CSMD1: variants seen among roughly 807,000 people sequenced by gnomAD.
CSMD1 encodes the protein CUB and Sushi multiple domains 1, also known as CUB and sushi domain-containing protein 1.
A neutral mutation model predicts 417.5 loss-of-function variants in CSMD1; 213 were observed. The observed-to-expected ratio is 0.51, with a 90% CI of 0.46 to 0.57. CSMD1 has a LOEUF of 0.57. Ranked by LOEUF, CSMD1 falls within the 20% of genes least tolerant of loss-of-function variation. CSMD1 has a pLI of 0.00. For synonymous variants in CSMD1, 2,862 were observed against 1,736.8 expected, an observed-to-expected ratio of 1.65 and a Z score of -16.11; for missense variants, 6,923 against 4,529.7, an observed-to-expected ratio of 1.53 and a Z score of -15.17.
intron 23 of CSMD1, among the ~76,000 whole-genome samples, chr8:3,320,455 A>G (rs1030911844): frequency 3.5e-4 from 54 of 152,350 alleles, no homozygotes; most frequent in African/African-American, 1.2e-3. Flanking sequence ...AGTAAAATCC[A>G]TGTAAATATA....
intron 5 of CSMD1, among the ~76,000 whole-genome samples, chr8:3,906,421 T>C (rs116749660): frequency 1.3e-5 from 2 of 152,172 alleles, no homozygotes; most frequent in Non-Finnish European, 2.9e-5. Context: ...GAACATGATA[T>C]ATAGTAATGT....
At chr8:4,921,148 T>G (rs1035834624) in intron 1 of CSMD1, among the ~76,000 whole-genome samples, 3 of 150,768 alleles carry the variant, frequency 2.0e-5, no homozygotes, top group Admixed American at 1.3e-4. Flanking sequence ...AAGAAAGAAA[T>G]TATGATGATT....
chr8:4,905,140 G>C (rs924624486), intron 1 of CSMD1, among the ~76,000 whole-genome samples: 2 of 151,926 alleles, frequency 1.3e-5, no homozygotes, highest in Non-Finnish European at 2.9e-5. Context: ...ATGTCATAAG[G>C]AATGAAATCC....
chr8:4,932,486 C>T (rs7841741), intron 1 of CSMD1, among the ~76,000 whole-genome samples: 47,239 of 151,918 alleles, frequency 0.31, 8,294 homozygotes, highest in Non-Finnish European at 0.41. Flanking sequence ...CTCATTAAGG[C>T]CTATTTCAAT....
chr8:3,615,086 C>G (rs1802071324), intron 8 of CSMD1, among the ~76,000 whole-genome samples: 3 of 152,160 alleles, frequency 2.0e-5, no homozygotes, highest in Admixed American at 1.3e-4. Context: ...CTGCTGTTTT[C>G]TAATATGATA....
At chr8:3,840,742 C>A (rs1180939106) in intron 5 of CSMD1, among the ~76,000 whole-genome samples, 2 of 142,220 alleles carry the variant, frequency 1.4e-5, no homozygotes, top group Non-Finnish European at 3.0e-5. Context: ...GTCGTGTAGG[C>A]TGGAGTTCAG....
At chr8:2,947,937 T>A (rs1307887727) in intron 68 of CSMD1, among the ~76,000 whole-genome samples, 1 of 151,984 alleles carries the variant, frequency 6.6e-6, no homozygotes, top group Non-Finnish European at 1.5e-5. Flanking sequence ...CCTTTTTTTT[T>A]TTTTGGCTTT....
chr8:4,250,826 G>GT (rs950077163), intron 3 of CSMD1, among the ~76,000 whole-genome samples: 10 of 152,118 alleles, frequency 6.6e-5, no homozygotes, highest in Non-Finnish European at 1.2e-4. Context: ...TGGTTGAAAT[G>GT]TTTTTTAGAA....
rs1465897892 is a variant in CSMD1 at position 3,317,683 on chromosome 8, G to A, written c.3632-9180C>T. Among the ~76,000 whole-genome samples, 7 of 152,120 alleles carry A rather than the reference G, an allele frequency of 4.6e-5. 1 individual carries two copies. The highest frequency in any genetic ancestry group is 9.7e-5 in the African/African-American group (4 of 41,440). The stretch of plus-strand genomic sequence containing the variant: ...CCTACAGTTATCTGGTTAATACTAC[G>A]TTTATTTGGTATCATTACTTGATGT... On this transcript the variant is annotated intron_variant, in intron 23 of 69. Transcript: ENST00000635120.
At chr8:3,275,297 T>C (rs557512785) in intron 26 of CSMD1, among the ~76,000 whole-genome samples, 2 of 152,326 alleles carry the variant, frequency 1.3e-5, no homozygotes, top group Non-Finnish European at 2.9e-5. Context: ...TCAAGAGATC[T>C]GCTGTTAGTC....
chr8:4,053,313 G>C (rs1199087680), intron 3 of CSMD1, among the ~76,000 whole-genome samples: 4 of 152,096 alleles, frequency 2.6e-5, no homozygotes, highest in Non-Finnish European at 2.9e-5. Context: ...GAATGCATGA[G>C]AATAATAAAA....
chr8:4,392,637 G>T (rs77657380), intron 3 of CSMD1, among the ~76,000 whole-genome samples: 241 of 151,438 alleles, frequency 1.6e-3, no homozygotes, highest in African/African-American at 5.4e-3. Context: ...GGGGTTTTTT[G>T]GGGGGGAGGG....
intron 5 of CSMD1, among the ~76,000 whole-genome samples, chr8:3,846,725 T>C (rs780485795): frequency 6.6e-6 from 1 of 152,176 alleles, no homozygotes; most frequent in Non-Finnish European, 1.5e-5. Context: ...TGGTGCAACC[T>C]TGACTCACTG....
At chr8:3,473,554 G>T (rs1259610683) in intron 11 of CSMD1, among the ~76,000 whole-genome samples, 1 of 152,076 alleles carries the variant, frequency 6.6e-6, no homozygotes, top group Non-Finnish European at 1.5e-5. Flanking sequence ...AAACAAAGAA[G>T]CAAGCAATAT....
chr8:4,429,936 G>C (rs530941440), intron 2 of CSMD1, among the ~76,000 whole-genome samples: 3 of 152,184 alleles, frequency 2.0e-5, no homozygotes, highest in African/African-American at 7.2e-5. Context: ...ACCCATCAGG[G>C]AATGAAAAAG....
chr8:3,421,986 C>T (rs984078986), intron 12 of CSMD1, among the ~76,000 whole-genome samples: 4 of 150,872 alleles, frequency 2.7e-5, no homozygotes, highest in Non-Finnish European at 5.9e-5. Flanking sequence ...CCACAGATGG[C>T]TTAGAGCGTG....
intron 5 of CSMD1, among the ~76,000 whole-genome samples, chr8:3,836,655 G>C (rs1332503811): frequency 6.6e-6 from 1 of 152,088 alleles, no homozygotes; most frequent in African/African-American, 2.4e-5. Flanking sequence ...CACAACATGA[G>C]ACACGTGAGT....
chr8:4,582,137 G>C (rs1347540444), intron 2 of CSMD1, among the ~76,000 whole-genome samples: 1 of 151,858 alleles, frequency 6.6e-6, no homozygotes, highest in South Asian at 2.1e-4. Context: ...TAGCACATGA[G>C]GAATAATCCT....
intron 7 of CSMD1, among the ~76,000 whole-genome samples, chr8:3,678,374 G>A (rs1304411617): frequency 2.0e-5 from 3 of 152,174 alleles, no homozygotes; most frequent in Admixed American, 1.3e-4. Context: ...CATGGCACGG[G>A]AACTACGTGA....
Sources: gnomAD v4.1 joint callset for allele counts (sites outside exome capture counted in the v4.1 genomes callset) on GRCh38, gnomAD v4.1.1 for gene constraint, MANE v1.5 for transcripts, NCBI Gene and HGNC (gene_info 2026-07-23, HGNC 2026-07-21) for gene names.